Variants in AFF1 observed in about 807,000 individuals in gnomAD.
AFF1 encodes ALF transcription elongation factor 1.
AFF1 carries 48 observed loss-of-function variants against 121.7 expected under a neutral mutation model. The observed-to-expected ratio is 0.39, with a 90% CI of 0.31 to 0.50. The LOEUF is 0.50. Among genes scored for constraint, AFF1 ranks in the 20% least tolerant of loss-of-function variants. The pLI is 0.76. For synonymous variants in AFF1, 613 were observed against 563.0 expected (o/e 1.09, Z -1.26); for missense variants, 1,523 against 1,511.7 (o/e 1.01, Z -0.12).
At chr4:87,091,258 C>T (rs1000567785) in intron 6 of AFF1, among the ~76,000 whole-genome samples, 10 of 151,982 alleles carry the variant, frequency 6.6e-5, no homozygotes, top group Admixed American at 6.6e-4. Flanking sequence ...CAAAAATTAG[C>T]TGGGTGTGGT....
Position 87,119,119 on chromosome 4 carries a change from G to A in AFF1, c.2466+3820G>A, listed in dbSNP as rs1049088148. Among the ~76,000 whole-genome samples, 59 of 152,246 alleles carry A rather than the reference G, an allele frequency of 3.9e-4. 1 individual carries two copies. Among genetic ancestry groups the A allele is most frequent in the African/African-American group, 1.4e-3 (57 of 41,536 alleles). On this transcript the variant is annotated intron_variant, in intron 12 of 20. Coordinates refer to ENST00000395146, the MANE Select transcript of AFF1 (RefSeq NM_001166693.3). The stretch of plus-strand genomic sequence containing the variant: ...CCCTGCCTCCAGACCCTATTCTCCT[G>A]CCTCACTGGGGTTACAGGCATGAGT...
chr4:87,081,458 G>A (rs1358142590), intron 4 of AFF1, among the ~76,000 whole-genome samples: 2 of 152,078 alleles, frequency 1.3e-5, no homozygotes, highest in South Asian at 2.1e-4. Flanking sequence ...CACTGCGCCC[G>A]GCCGTATGAA....
chr4:86,997,007 G>A (rs572964440), intron 2 of AFF1, among the ~76,000 whole-genome samples: 1 of 152,318 alleles, frequency 6.6e-6, no homozygotes, highest in South Asian at 2.1e-4. Context: ...TGCCTCCCGG[G>A]TTCAAGTGAT....
At chr4:87,037,131 C>G (rs1205580066) in intron 2 of AFF1, among the ~76,000 whole-genome samples, 1 of 152,168 alleles carries the variant, frequency 6.6e-6, no homozygotes, top group Non-Finnish European at 1.5e-5. Context: ...TCCAGTATTT[C>G]TTTATCCCCA....
chr4:86,981,998 A>G (rs2149491642), intron 2 of AFF1, among the ~76,000 whole-genome samples: 1 of 152,324 alleles, frequency 6.6e-6, no homozygotes, highest in Middle Eastern at 3.4e-3. Context: ...TCGCCAACAG[A>G]GATCAAAGCA....
At chr4:87,119,001 G>T (rs924109417) in intron 12 of AFF1, among the ~76,000 whole-genome samples, 17 of 149,572 alleles carry the variant, frequency 1.1e-4, no homozygotes, top group African/African-American at 4.2e-4. Context: ...CTGATTGGTT[G>T]TAGGGGGGAC....
intron 16 of AFF1, among the ~76,000 whole-genome samples, chr4:87,129,417 ATATACT>A (rs1195295530): frequency 3.3e-5 from 5 of 152,232 alleles, no homozygotes; most frequent in African/African-American, 1.2e-4. Context: ...TGGCCTTATG[ATATACT>A]TATCTAAAGG....
At chr4:87,073,566 A>G (rs1016363142) in intron 4 of AFF1, among the ~76,000 whole-genome samples, 2 of 152,178 alleles carry the variant, frequency 1.3e-5, no homozygotes, top group Non-Finnish European at 2.9e-5. Context: ...CCTACTCCAG[A>G]AGAGGCTGTT....
intron 2 of AFF1, among the ~76,000 whole-genome samples, chr4:87,002,004 A>T (rs1429377423): frequency 2.0e-5 from 3 of 152,228 alleles, no homozygotes; most frequent in Non-Finnish European, 4.4e-5. Flanking sequence ...TACAAAGGGT[A>T]GAATTGTTGA....
At chr4:87,027,864 G>A (rs1340989211) in intron 2 of AFF1, among the ~76,000 whole-genome samples, 2 of 145,622 alleles carry the variant, frequency 1.4e-5, no homozygotes, top group African/African-American at 5.2e-5. Flanking sequence ...CAATGCAGTG[G>A]CCCATTGCAA....
chr4:86,998,018 A>C (rs888830602), intron 2 of AFF1, among the ~76,000 whole-genome samples: 9 of 146,216 alleles, frequency 6.2e-5, no homozygotes, highest in African/African-American at 2.3e-4. Context: ...GAATCGCTTG[A>C]ACCCAGCAGG....
chr4:87,009,330 C>T (rs1726491823), intron 2 of AFF1, among the ~76,000 whole-genome samples: 1 of 152,246 alleles, frequency 6.6e-6, no homozygotes, highest in Admixed American at 6.5e-5. Context: ...CTCCCTTATG[C>T]TTCCTCTTTA....
intron 16 of AFF1, among the ~76,000 whole-genome samples, chr4:87,128,007 C>T (rs186370369): frequency 6.6e-6 from 1 of 152,278 alleles, no homozygotes; most frequent in Non-Finnish European, 1.5e-5. Flanking sequence ...AGTTTTGTAT[C>T]TAAGTAAGTC....
chr4:87,011,891 C>T (rs1726801951), intron 2 of AFF1, among the ~76,000 whole-genome samples: 1 of 152,134 alleles, frequency 6.6e-6, no homozygotes, highest in Non-Finnish European at 1.5e-5. Flanking sequence ...AAAACTAACT[C>T]AAGTGATCTC....
chr4:87,077,038 G>A (rs1488070585), intron 4 of AFF1, among the ~76,000 whole-genome samples: 1 of 152,168 alleles, frequency 6.6e-6, no homozygotes, highest in Non-Finnish European at 1.5e-5. Context: ...TATGGAATTA[G>A]TTTTAACATG....
rs912612374 is a variant in AFF1, at chr4:87,085,439, CT to C, written c.1104+1287del. On this transcript the variant is annotated intron_variant, in intron 5 of 20. Transcript: ENST00000395146. ...CTGTAGGGTTTCTGACTTTTTTCTT[CT>C]TTTTTTTTTTTAATTAGTAGAGAGA... Among the ~76,000 whole-genome samples the C allele has an allele frequency of 6.4e-3, 860 of 134,764 alleles. 4 individuals are homozygous for C. Among genetic ancestry groups the C allele is most frequent in the Non-Finnish European group, 9.6e-3 (591 of 61,662 alleles). The allele number at this position is 134,764 out of a possible 152,430, so 88.4% of individuals were successfully genotyped here.
Position 87,137,081 on chromosome 4 carries a change from TTC to T in AFF1, c.*1382_*1383del, listed in dbSNP as rs1197506314. 2 of 224,754 alleles carry T rather than the reference TTC, an allele frequency of 8.9e-6. No individual in the cohort carries two copies. Among genetic ancestry groups the T allele is most frequent in the African/African-American group, 4.5e-5 (2 of 44,858 alleles). The allele number at this position is 224,754 out of a possible 1,614,324, so 13.9% of individuals were successfully genotyped here. On this transcript the variant is annotated 3_prime_UTR_variant, in exon 21 of 21. Transcript: ENST00000395146. ...CCCATGTGCCCATAAGCACAGATTT[TTC>T]TTTTTCATTGAAACTTTAAAGGTTA...
intron 4 of AFF1, among the ~76,000 whole-genome samples, chr4:87,066,173 C>T (rs974856293): frequency 3.3e-5 from 5 of 152,134 alleles, no homozygotes; most frequent in East Asian, 1.9e-4. Flanking sequence ...GGGCCAAGAT[C>T]GTGACATCCA....
intron 2 of AFF1, among the ~76,000 whole-genome samples, chr4:86,952,652 TTAAAG>T (rs531687659): frequency 0.014 from 2,113 of 151,250 alleles, 24 homozygotes; most frequent in Non-Finnish European, 0.023. Context: ...ATCCCAGGAC[TTAAAG>T]TAAAAAAAAA....
Sources: allele counts gnomAD v4.1 joint callset (sites outside exome capture counted in the v4.1 genomes callset), GRCh38; gene constraint gnomAD v4.1.1; transcripts MANE v1.5; gene names NCBI Gene and HGNC (gene_info 2026-07-23, HGNC 2026-07-21).